The following FAM131B variants were observed in gnomAD, a reference collection of about 807,000 sequenced individuals.
FAM131B encodes family with sequence similarity 131 member B.
FAM131B carries 19 observed loss-of-function variants against 42.0 expected under a neutral mutation model. That is an observed-to-expected ratio of 0.45 (90% CI 0.32 to 0.66). The LOEUF (loss-of-function observed/expected upper bound fraction) is 0.66, where lower values mean the gene tolerates loss of function less well. Ranked by LOEUF, FAM131B falls within the 30% of genes least tolerant of loss-of-function variation. FAM131B has a pLI of 0.05. For missense variants in FAM131B, 370 were observed against 468.4 expected, an observed-to-expected ratio of 0.79 and a Z score of 1.94; for synonymous variants, 183 against 177.6, an observed-to-expected ratio of 1.03 and a Z score of -0.24.
At chr7:143,366,209 G>A (rs1378040448), upstream of FAM131B, among the ~76,000 whole-genome samples, 2 of 152,130 alleles carry the variant, frequency 1.3e-5, no homozygotes, top group Non-Finnish European at 2.9e-5. Context: ...TTTAATTAAG[G>A]TGGGACCATA....
the FAM131B span, among the ~76,000 whole-genome samples, chr7:143,375,145 G>A: frequency 0.97 from 148,259 of 152,302 alleles, 72,276 homozygotes; most frequent in East Asian, 1. Context: ...GTGATGCAAT[G>A]AAAGTCCTTA....
the FAM131B span, chr7:143,380,595 T>TCC: frequency 1.0e-6 from 1 of 985,258 alleles, no homozygotes; most frequent in Non-Finnish European, 1.2e-6. The surrounding 1 kb of genome is among the most constrained non-coding windows in gnomAD (Gnocchi z 5.0). Context: ...ACCCGAACGG[T>TCC]CCCTCTCGCA....
At position 143,362,556 on chromosome 7, in the gene FAM131B, C is replaced by T. The variant is rs1259807064; in HGVS notation, c.28+20G>A. ...GGCCCGGGGGGCCCAGCCCTGCCCC[C>T]GCCCGGCCGCGGTACCCACCCACAG... On this transcript the variant is annotated intron_variant, in intron 1 of 6. Coordinates refer to ENST00000443739, the MANE Select transcript of FAM131B (RefSeq NM_001031690.3). This position sits in a 1 kb window ranked among gnomAD's most constrained non-coding sequence, Gnocchi z 7.7. 10 of 1,213,108 alleles carry T rather than the reference C, an allele frequency of 8.2e-6. No homozygotes were observed. In the African/African-American group the frequency reaches 1.1e-4, roughly 13 times the overall value. The allele number at this position is 1,213,108 out of a possible 1,614,324, so 75.1% of individuals were successfully genotyped here.
the FAM131B span, among the ~76,000 whole-genome samples, chr7:143,371,253 T>C: frequency 6.6e-6 from 1 of 152,018 alleles, no homozygotes; most frequent in Admixed American, 6.5e-5. Context: ...ACTGAATTGT[T>C]TGGTGGGGGA....
At chr7:143,380,069 C>T in the FAM131B span, 1 of 985,358 alleles carries the variant, frequency 1.0e-6, no homozygotes, top group Non-Finnish European at 1.2e-6. This position sits in a 1 kb window ranked among gnomAD's most constrained non-coding sequence, Gnocchi z 5.0. Flanking sequence ...GGACTGGACA[C>T]TCAGTGTGAA....
the FAM131B span, among the ~76,000 whole-genome samples, chr7:143,372,088 G>A: frequency 2.6e-5 from 4 of 152,256 alleles, no homozygotes; most frequent in South Asian, 2.1e-4. Context: ...GAGAGTCAGA[G>A]TGGGAGAGTG....
the FAM131B span, chr7:143,382,177 CG>C: frequency 7.7e-7 from 1 of 1,300,942 alleles, no homozygotes; most frequent in African/African-American, 1.5e-5. Context: ...GGGGTTAGAG[CG>C]GTTAACTGAG....
In FAM131B at chr7:143,359,446, C is replaced by T; in HGVS notation, c.175-27G>A. 6.4e-7 allele frequency: 1 copy of T among 1,560,798 alleles called. No homozygotes were observed. On this transcript the variant is annotated intron_variant, in intron 3 of 6. Coordinates refer to ENST00000443739, the MANE Select transcript of FAM131B (RefSeq NM_001031690.3). This position sits in a 1 kb window ranked among gnomAD's most constrained non-coding sequence, Gnocchi z 5.4. ...TGGGATGGGAATGTGGGAGGAAGGG[C>T]AGAGGAATAAGAAGGTACGGGCGTG...
At chr7:143,381,532 T>A in the FAM131B span, 2 of 1,590,210 alleles carry the variant, frequency 1.3e-6, no homozygotes, top group South Asian at 2.3e-5. Context: ...GGCTCCGCGC[T>A]GCGTAACCCG....
chr7:143,375,959 A>G, the FAM131B span, among the ~76,000 whole-genome samples: 4 of 152,146 alleles, frequency 2.6e-5, no homozygotes, highest in African/African-American at 9.7e-5. Context: ...ACTCCTCGCC[A>G]TCTGACCATC....
At chr7:143,370,566 G>A in the FAM131B span, among the ~76,000 whole-genome samples, 7 of 152,186 alleles carry the variant, frequency 4.6e-5, no homozygotes, top group African/African-American at 9.7e-5. Context: ...CGCCAAAACC[G>A]AAATGGCGAC....
chr7:143,367,746 G>A (rs57385161), upstream of FAM131B, among the ~76,000 whole-genome samples: 85,541 of 151,912 alleles, frequency 0.56, 24,410 homozygotes, highest in Middle Eastern at 0.64. Flanking sequence ...ATGGGCAAAC[G>A]TGGCAGGCAC....
the FAM131B span, chr7:143,380,433 G>A: frequency 1.0e-6 from 1 of 985,160 alleles, no homozygotes; most frequent in African/African-American, 1.7e-5. This position sits in a 1 kb window ranked among gnomAD's most constrained non-coding sequence, Gnocchi z 5.0. Context: ...CCCCACCGTC[G>A]CCCGGGGTCT....
chr7:143,360,300 G>A, intron 1 of FAM131B, 151 bp from the exon 2 acceptor site: 1 of 1,451,752 alleles, frequency 6.9e-7, no homozygotes, highest in Admixed American at 2.6e-5. Context: ...GAGACAAGTA[G>A]TAATGCTGAG....
chr7:143,354,770 T>TC lies in FAM131B; in HGVS notation c.*1779dup, dbSNP rs1282422301. 2 of 152,354 alleles carry TC rather than the reference T, an allele frequency of 1.3e-5. No homozygotes were observed. Among genetic ancestry groups the TC allele is most frequent in the Non-Finnish European group, 2.9e-5 (2 of 68,134 alleles). The allele number at this position is 152,354 out of a possible 1,614,324, so 9.4% of individuals were successfully genotyped here. ...AAAACCAACCTCAGGATAACCATTG[T>TC]CCCCCTTCCATGGAAGACACAGAAC... On this transcript the variant is annotated 3_prime_UTR_variant, in exon 7 of 7. Coordinates refer to ENST00000443739, the MANE Select transcript of FAM131B (RefSeq NM_001031690.3).
chr7:143,376,023 AGT>A, the FAM131B span, among the ~76,000 whole-genome samples: 2 of 152,152 alleles, frequency 1.3e-5, no homozygotes, highest in African/African-American at 4.8e-5. Flanking sequence ...TGATGCTTGC[AGT>A]GCCTTTGGGT....
rs1803767350 is a variant in FAM131B at position 143,358,120 on chromosome 7, CTA to C, written c.467-699_467-698del. Among the ~76,000 whole-genome samples, 1 of 152,110 alleles carries C rather than the reference CTA, an allele frequency of 6.6e-6. No individual in the cohort carries two copies. Among genetic ancestry groups the C allele is most frequent in the Non-Finnish European group, 1.5e-5 (1 of 68,008 alleles). ...AGGGGATGGGTAGACCTGGGGATCC[CTA>C]TTCTAGTCAAATCCATGAGCGTGTT... On this transcript the variant is annotated intron_variant, in intron 5 of 6. Transcript: ENST00000443739. This position sits in a 1 kb window ranked among gnomAD's most constrained non-coding sequence, Gnocchi z 4.7.
At chr7:143,380,125 A>C in the FAM131B span, 1 of 985,230 alleles carries the variant, frequency 1.0e-6, no homozygotes, top group African/African-American at 1.7e-5. The surrounding 1 kb of genome is among the most constrained non-coding windows in gnomAD (Gnocchi z 5.0). Context: ...AAGAGGAGAG[A>C]AAATGAAGCG....
At chr7:143,361,575 G>A in intron 1 of FAM131B, 1 of 151,472 alleles carries the variant, frequency 6.6e-6, no homozygotes, top group Non-Finnish European at 1.5e-5. Flanking sequence ...CTCAGCCTGA[G>A]GTCACCGGGA....
Sources: gnomAD v4.1 joint callset for allele counts (sites outside exome capture counted in the v4.1 genomes callset) on GRCh38, gnomAD v4.1.1 for gene constraint, Gnocchi (gnomAD v3.1) non-coding constraint, MANE v1.5 for transcripts, NCBI Gene and HGNC (gene_info 2026-07-23, HGNC 2026-07-21) for gene names.